PKD1L1: variants seen among roughly 807,000 people sequenced by gnomAD.
PKD1L1 encodes polycystin-1-like protein 1.
Under a neutral mutation model 323.4 loss-of-function variants are expected in PKD1L1, and 236 were observed. The observed-to-expected ratio is 0.73, with a 90% CI of 0.66 to 0.81. PKD1L1 has a LOEUF of 0.81. Among genes scored for constraint, PKD1L1 ranks in the 40% least tolerant of loss-of-function variants. The pLI is 0.00. For synonymous variants in PKD1L1, 1,344 were observed against 1,335.0 expected, an observed-to-expected ratio of 1.01 and a Z score of -0.15; for missense variants, 3,320 against 3,508.0, an observed-to-expected ratio of 0.95 and a Z score of 1.35.
chr7:47,810,843 G>A (rs1425312961), intron 50 of PKD1L1, among the ~76,000 whole-genome samples: 1 of 152,168 alleles, frequency 6.6e-6, no homozygotes, highest in African/African-American at 2.4e-5. Context: ...CTGAAGATTT[G>A]TGTTCCCTTG....
intron 3 of PKD1L1, among the ~76,000 whole-genome samples, chr7:47,937,269 G>T (rs1421809109): frequency 6.0e-5 from 8 of 134,196 alleles, no homozygotes; most frequent in Non-Finnish European, 9.8e-5. Flanking sequence ...TGGGGGGGGG[G>T]GGCGCGGTGC....
chr7:47,929,478 T>C lies in PKD1L1; in HGVS notation c.786A>G (p.Ala262=). ...PGIPRTPSFT[A]SQSGSEILYP... ...AGAGGATCTCAGAACCAGACTGCGA[T>C]GCCGTGAAGCTGGGGGTGCGAGGAA... is the stretch of plus-strand genomic sequence containing the variant. Residue 262 remains alanine, a synonymous_variant, in exon 7 of 57, where the codon GCA becomes GCG. Coordinates refer to ENST00000289672, the MANE Select transcript of PKD1L1 (RefSeq NM_138295.5). 6.2e-7 allele frequency: 1 copy of C among 1,614,144 alleles called. No individual in the cohort carries two copies. Among genetic ancestry groups the C allele is most frequent in the Non-Finnish European group, 8.5e-7 (1 of 1,179,980 alleles).
At position 47,929,145 on chromosome 7, in the gene PKD1L1, G is replaced by A. The variant is rs1787711026; in HGVS notation, c.1060+59C>T. ...TTTTCTTTTCCCAACACTGCCTCTT[G>A]GGTCCCCTAGCTCAGGACCTCCTTC... On this transcript the variant is annotated intron_variant, in intron 7 of 56. Transcript: ENST00000289672. The A allele has an allele frequency of 1.3e-5, 19 of 1,510,666 alleles. No homozygotes were observed. The South Asian group carries it at 2.1e-4, about 17-fold the overall frequency. The allele number at this position is 1,510,666 out of a possible 1,614,324, so 93.6% of individuals were successfully genotyped here.
Position 47,935,613 on chromosome 7 carries a change from C to T in PKD1L1, c.398+1233G>A, listed in dbSNP as rs548609366. The stretch of plus-strand genomic sequence containing the variant: ...GGCCTGCCCTCACAGGTGGCTGTCA[C>T]GGATTCTTCTTTTCCTAAATTTCCA... On this transcript the variant is annotated intron_variant, in intron 4 of 56. Transcript: ENST00000289672. 3.9e-5 allele frequency among the ~76,000 whole-genome samples: 6 copies of T among 152,332 alleles called. No individual in the cohort carries two copies. In the South Asian group the frequency reaches 8.3e-4, roughly 21 times the overall value.
chr7:47,845,247 G>A (rs1441626030), intron 32 of PKD1L1, among the ~76,000 whole-genome samples, 169 bp from the exon 33 acceptor site: 1 of 152,266 alleles, frequency 6.6e-6, no homozygotes, highest in Non-Finnish European at 1.5e-5. Context: ...AGTTAGAAAT[G>A]AGGGACACTT....
chr7:47,866,717 G>C (rs1421536748), intron 24 of PKD1L1, 103 bp from the exon 25 acceptor site: 1 of 904,934 alleles, frequency 1.1e-6, no homozygotes, highest in Non-Finnish European at 1.7e-6. Context: ...AATACCTCTT[G>C]GACAGGGCAG....
chr7:47,929,159 A>G (rs1275640715), intron 7 of PKD1L1, 45 bp downstream of exon 7: 2 of 1,572,474 alleles, frequency 1.3e-6, no homozygotes, highest in Non-Finnish European at 1.7e-6. Context: ...CCCCTAGCTC[A>G]GGACCTCCTT....
intron 54 of PKD1L1, among the ~76,000 whole-genome samples, chr7:47,796,830 CAAAAAAA>C (rs71006525): frequency 7.5e-6 from 1 of 133,624 alleles, no homozygotes. Context: ...TCCTAAATTA[CAAAAAAA>C]AAAAAAAAAA....
At chr7:47,960,162 T>C in the PKD1L1 span, among the ~76,000 whole-genome samples, 1 of 150,318 alleles carries the variant, frequency 6.7e-6, no homozygotes, top group Non-Finnish European at 1.5e-5. Flanking sequence ...AAACAGATGC[T>C]TGAAGGCAGC....
Position 47,929,361 on chromosome 7 carries a change from T to C in PKD1L1, c.903A>G (p.Glu301=). The stretch of plus-strand genomic sequence containing the variant: ...ATCCCAGATTTGGAGGTGCCCGAGC[T>C]TCCACTTCCAGGGAGCAATTAAGAA... ...NPVLNCSLEV[E]ARAPPNLGFR... Residue 301 remains glutamate (E), a synonymous_variant, in exon 7 of 57, where the codon GAA becomes GAG. Coordinates refer to ENST00000289672, the MANE Select transcript of PKD1L1 (RefSeq NM_138295.5). The C allele has an allele frequency of 6.2e-7, 1 of 1,614,202 alleles. No homozygotes were observed. Among genetic ancestry groups the C allele is most frequent in the Non-Finnish European group, 8.5e-7 (1 of 1,180,030 alleles).
chr7:47,818,787 T>C (rs1464830456), intron 46 of PKD1L1, among the ~76,000 whole-genome samples: 1 of 152,270 alleles, frequency 6.6e-6, no homozygotes, highest in East Asian at 1.9e-4. Flanking sequence ...CATTGATTGG[T>C]GCTTTATTTG....
Position 47,840,419 on chromosome 7 carries a change from G to T in PKD1L1, c.5552+42C>A, listed in dbSNP as rs773508580. On this transcript the variant is annotated intron_variant, in intron 35 of 56. Coordinates refer to ENST00000289672, the MANE Select transcript of PKD1L1 (RefSeq NM_138295.5). The surrounding 1 kb of genome is among the most constrained non-coding windows in gnomAD (Gnocchi z 4.1). ...GATAAGGTTACACCAATTCTGATTGGCCTCTCTTTCCCAAATCTAGCAGTG... is the reference window on the plus strand; with the variant it reads ...GATAAGGTTACACCAATTCTGATTGTCCTCTCTTTCCCAAATCTAGCAGTG... The T allele has an allele frequency of 1.4e-6, 2 of 1,431,432 alleles. No individual in the cohort carries two copies. The highest frequency in any genetic ancestry group is 1.7e-5 in the Admixed American group (1 of 59,398). 88.7% of individuals were successfully genotyped at this position (1,431,432 alleles called of 1,614,324 possible). A position where few individuals can be genotyped will look rare whatever the true frequency, so the allele number is the denominator to read the frequency against.
chr7:47,820,327 T>C (rs1243974717), intron 46 of PKD1L1, among the ~76,000 whole-genome samples: 1 of 152,234 alleles, frequency 6.6e-6, no homozygotes, highest in African/African-American at 2.4e-5. Flanking sequence ...CTTTACACTT[T>C]TCAGTTCTGC....
intron 46 of PKD1L1, among the ~76,000 whole-genome samples, chr7:47,820,008 C>G (rs141336298): frequency 2.6e-5 from 4 of 152,300 alleles, no homozygotes; most frequent in African/African-American, 9.6e-5. Context: ...CTGGAACACA[C>G]TGAATTATTG....
At chr7:47,893,720 T>C (rs1318011599) in intron 15 of PKD1L1, among the ~76,000 whole-genome samples, 158 bp downstream of exon 15, 1 of 152,232 alleles carries the variant, frequency 6.6e-6, no homozygotes, top group Non-Finnish European at 1.5e-5. Flanking sequence ...TTTTCCTCAA[T>C]TCCCTTATAT....
chr7:47,877,335 T>C (rs1478346908), intron 22 of PKD1L1, among the ~76,000 whole-genome samples, 154 bp downstream of exon 22: 1 of 152,186 alleles, frequency 6.6e-6, no homozygotes, highest in Non-Finnish European at 1.5e-5. Flanking sequence ...AGCCCATTCA[T>C]GCCTAACCAA....
chr7:47,884,265 G>A (rs982482094), intron 19 of PKD1L1, among the ~76,000 whole-genome samples: 4 of 152,100 alleles, frequency 2.6e-5, no homozygotes, highest in African/African-American at 9.7e-5. Flanking sequence ...TGAAGGAGGA[G>A]GCTCGCTGAG....
chr7:47,857,552 A>T, intron 28 of PKD1L1, 53 bp downstream of exon 28: 1 of 1,479,920 alleles, frequency 6.8e-7, no homozygotes, highest in Non-Finnish European at 9.4e-7. Flanking sequence ...AAGCCCAATT[A>T]CTGCAAATTT....
chr7:47,882,487 T>C (rs1583645519), intron 19 of PKD1L1, among the ~76,000 whole-genome samples: 2 of 151,978 alleles, frequency 1.3e-5, no homozygotes, highest in African/African-American at 4.8e-5. Context: ...TAAACTCAGG[T>C]AATGAAGGAA....
Sources: gnomAD v4.1 joint callset for allele counts (sites outside exome capture counted in the v4.1 genomes callset) on GRCh38, gnomAD v4.1.1 for gene constraint, Gnocchi (gnomAD v3.1) non-coding constraint, MANE v1.5 for transcripts, NCBI Gene and HGNC (gene_info 2026-07-23, HGNC 2026-07-21) for gene names.